The following EPHB1 variants were observed in gnomAD, a reference collection of about 807,000 sequenced individuals.
The protein encoded by EPHB1 is ephrin type-B receptor 1.
A neutral mutation model predicts 94.4 loss-of-function variants in EPHB1; 30 were observed. The ratio of observed to expected loss-of-function variants is 0.32; its 90% confidence interval spans 0.24 to 0.43. EPHB1 has a LOEUF of 0.43. Ranked by LOEUF, EPHB1 falls within the 20% of genes least tolerant of loss-of-function variation. The probability of loss-of-function intolerance (pLI) is 1.00; values close to 1 mark genes in which losing one functional copy is unlikely to be tolerated. For synonymous variants in EPHB1, 522 were observed against 489.1 expected (o/e 1.07, Z -0.89); for missense variants, 1,055 against 1,308.3 (o/e 0.81, Z 2.99).
At chr3:134,991,529 C>T (rs1934798096) in intron 3 of EPHB1, among the ~76,000 whole-genome samples, 1 of 152,134 alleles carries the variant, frequency 6.6e-6, no homozygotes, top group African/African-American at 2.4e-5. Context: ...TAAAAATACC[C>T]TCTCAGCATG....
chr3:135,248,604 TAA>T, intron 14 of EPHB1, 95 bp downstream of exon 14: 8 of 1,316,424 alleles, frequency 6.1e-6, no homozygotes, highest in Non-Finnish European at 6.2e-6. Flanking sequence ...TCGAATTTTT[TAA>T]AGAGTATCTA....
intron 1 of EPHB1, among the ~76,000 whole-genome samples, chr3:134,803,083 G>C (rs978093801): frequency 6.6e-6 from 1 of 152,198 alleles, no homozygotes; most frequent in Non-Finnish European, 1.5e-5. Context: ...CTTAAGGAGG[G>C]TGCTCATGGG....
At chr3:135,046,701 T>A (rs926638616) in intron 3 of EPHB1, among the ~76,000 whole-genome samples, 1 of 152,316 alleles carries the variant, frequency 6.6e-6, no homozygotes. Flanking sequence ...GAGCAATCTG[T>A]GTCTTAACAA....
intron 3 of EPHB1, among the ~76,000 whole-genome samples, chr3:134,962,029 T>A (rs1025315225): frequency 8.5e-5 from 13 of 152,262 alleles, no homozygotes; most frequent in African/African-American, 2.9e-4. Context: ...ATATAAATTT[T>A]TAATTTTGGT....
chr3:135,257,223 A>G (rs1933437078), intron 15 of EPHB1, among the ~76,000 whole-genome samples: 1 of 152,140 alleles, frequency 6.6e-6, no homozygotes. Flanking sequence ...AACTCGTCAA[A>G]GTCATTCTCC....
At chr3:134,866,598 AC>A (rs1560272568) in intron 1 of EPHB1, among the ~76,000 whole-genome samples, 1 of 152,134 alleles carries the variant, frequency 6.6e-6, no homozygotes, top group Non-Finnish European at 1.5e-5. Flanking sequence ...TGGTCTGTCC[AC>A]TCCAAAGCCC....
chr3:135,071,442 A>G (rs1937705647), intron 3 of EPHB1, among the ~76,000 whole-genome samples: 1 of 152,228 alleles, frequency 6.6e-6, no homozygotes, highest in South Asian at 2.1e-4. Flanking sequence ...GTAGGAGTTG[A>G]ATATGCTGCA....
intron 3 of EPHB1, among the ~76,000 whole-genome samples, chr3:135,062,342 C>T (rs573660341): frequency 9.9e-5 from 15 of 152,278 alleles, no homozygotes; most frequent in East Asian, 3.9e-4. Flanking sequence ...ACCACATCCA[C>T]GCCAACATCT....
chr3:135,047,150 C>G (rs935898363), intron 3 of EPHB1, among the ~76,000 whole-genome samples: 2 of 152,064 alleles, frequency 1.3e-5, no homozygotes, highest in Non-Finnish European at 2.9e-5. Context: ...TAGTGAGGGA[C>G]AGCGCACAAC....
Position 135,248,480 on chromosome 3 carries a change from T to C in EPHB1, c.2661T>C (p.Ser887=), listed in dbSNP as rs1308057352. The change falls in exon 14 of 16, where the codon AGT becomes AGC. Residue 887 remains serine (S), a synonymous_variant. Transcript: ENST00000398015. ...TLDKMIRNPA[S]LKTVATITAV... is the part of the protein sequence containing the mutation. The stretch of plus-strand genomic sequence containing the variant: ...ATAAGATGATCCGGAACCCGGCAAG[T>C]CTCAAGACTGTGGCAACCATCACCG... 6.2e-7 allele frequency: 1 copy of C among 1,609,688 alleles called. No individual in the cohort carries two copies. Among genetic ancestry groups the C allele is most frequent in the Admixed American group, 1.7e-5 (1 of 59,804 alleles).
chr3:135,013,091 C>T (rs975328488), intron 3 of EPHB1, among the ~76,000 whole-genome samples: 4 of 152,132 alleles, frequency 2.6e-5, no homozygotes, highest in Non-Finnish European at 4.4e-5. Flanking sequence ...ATCATCCCCA[C>T]CTTTACACTA....
At chr3:134,982,817 TAA>T (rs11300820) in intron 3 of EPHB1, among the ~76,000 whole-genome samples, 225 of 149,826 alleles carry the variant, frequency 1.5e-3, no homozygotes, top group African/African-American at 4.1e-3. Context: ...ATTTTCAGAT[TAA>T]AAAAAAAAAA....
intron 3 of EPHB1, among the ~76,000 whole-genome samples, chr3:135,026,393 T>A (rs1936171674): frequency 4.1e-5 from 6 of 147,606 alleles, no homozygotes; most frequent in African/African-American, 7.5e-5. Context: ...TTTTTGTATA[T>A]GGTGTAAGGA....
intron 3 of EPHB1, among the ~76,000 whole-genome samples, chr3:135,099,632 G>A (rs114991145): frequency 0.038 from 5,772 of 152,288 alleles, 171 homozygotes; most frequent in Non-Finnish European, 0.056. Context: ...TATTTGTTCA[G>A]CCACCAGTAA....
chr3:134,851,052 C>T (rs1486014984), intron 1 of EPHB1, among the ~76,000 whole-genome samples: 2 of 152,238 alleles, frequency 1.3e-5, no homozygotes, highest in East Asian at 1.9e-4. Context: ...TCCTCCTGGA[C>T]TGAAGATCTG....
intron 3 of EPHB1, among the ~76,000 whole-genome samples, chr3:134,952,267 A>T (rs1373344208): frequency 6.6e-6 from 1 of 152,190 alleles, no homozygotes; most frequent in African/African-American, 2.4e-5. Flanking sequence ...AGAGAAAGAG[A>T]TGGGGAGAGT....
In EPHB1 at chr3:135,215,823, G is replaced by A. The variant is rs562569348; in HGVS notation, c.2346+14134G>A. Among the ~76,000 whole-genome samples, 48 of 152,272 alleles carry A rather than the reference G, an allele frequency of 3.2e-4. 1 individual carries two copies. In the South Asian group the frequency reaches 3.5e-3, roughly 11 times the overall value. On this transcript the variant is annotated intron_variant, in intron 12 of 15. Coordinates refer to ENST00000398015, the MANE Select transcript of EPHB1 (RefSeq NM_004441.5). ...TGGAGCCTTGGAATCTGCATGTCAC[G>A]TGAGTTCCCAGATGATGCCGATCCT...
In EPHB1 at chr3:134,960,061, A is replaced by T. The variant is rs1050942542; in HGVS notation, c.805+8009A>T. On this transcript the variant is annotated intron_variant, in intron 3 of 15. Coordinates refer to ENST00000398015, the MANE Select transcript of EPHB1 (RefSeq NM_004441.5). ...GTTTGAAAGATGGAGATGAAAAATT[A>T]TACTGAATCCAAGCCTGCCTGCAGT... 5.0e-5 allele frequency among the ~76,000 whole-genome samples: 7 copies of T among 140,082 alleles called. No individual in the cohort carries two copies. In the South Asian group the frequency reaches 1.4e-3, roughly 28 times the overall value. The allele number at this position is 140,082 out of a possible 152,430, so 91.9% of individuals were successfully genotyped here.
intron 1 of EPHB1, among the ~76,000 whole-genome samples, chr3:134,888,585 G>T (rs1305581102): frequency 6.6e-6 from 1 of 151,924 alleles, no homozygotes; most frequent in Non-Finnish European, 1.5e-5. Context: ...GCATGTGCCT[G>T]TAAGCCCAGC....
Sources: allele counts gnomAD v4.1 joint callset (sites outside exome capture counted in the v4.1 genomes callset), GRCh38; gene constraint gnomAD v4.1.1; transcripts MANE v1.5; gene names NCBI Gene and HGNC (gene_info 2026-07-23, HGNC 2026-07-21).